Variants in COQ8B observed in about 807,000 individuals in gnomAD.
COQ8B encodes atypical kinase COQ8B, mitochondrial.
A neutral mutation model predicts 62.0 loss-of-function variants in COQ8B; 44 were observed. The observed-to-expected ratio is 0.71, with a 90% CI of 0.56 to 0.91. The LOEUF is 0.91. Among genes scored for constraint, COQ8B ranks in the 40% least tolerant of loss-of-function variants. COQ8B has a pLI of 0.00. For synonymous variants in COQ8B, 252 were observed against 289.9 expected (o/e 0.87, Z 1.33); for missense variants, 649 against 731.6 (o/e 0.89, Z 1.30).
At chr19:40,712,704 A>G (rs2144716677) in intron 4 of COQ8B, among the ~76,000 whole-genome samples, 2 of 152,362 alleles carry the variant, frequency 1.3e-5, no homozygotes, top group East Asian at 3.9e-4. Flanking sequence ...CTTGCTCTAC[A>G]GGTGCATGCA....
At chr19:40,695,072 C>T (rs2082003411) in intron 13 of COQ8B, among the ~76,000 whole-genome samples, 3 of 152,138 alleles carry the variant, frequency 2.0e-5, no homozygotes, top group Admixed American at 1.3e-4. Flanking sequence ...AATCCCAGCA[C>T]TTTGGGAGGC....
At position 40,703,765 on chromosome 19, in the gene COQ8B, C is replaced by T. The variant is rs1314918851; in HGVS notation, c.667G>A (p.Val223Met). ...CCGTCCCTCAGCAGGCCCTGGTGCA[C>T]CTGCCCAATTGAGGCAGCGGCAAAG... is the stretch of plus-strand genomic sequence containing the variant. ...VPFAAASIGQ[V>M]HQGLLRDGTE... Residue 223 changes from valine to methionine, a missense_variant, in exon 8 of 15, where the codon GTG becomes ATG. Transcript: ENST00000324464. 6.2e-7 allele frequency: 1 copy of T among 1,614,114 alleles called. No homozygotes were observed. The highest frequency in any genetic ancestry group is 8.5e-7 in the Non-Finnish European group (1 of 1,180,014).
At chr19:40,700,666 G>C (rs1187172251) in intron 10 of COQ8B, 2 of 577,294 alleles carry the variant, frequency 3.5e-6, no homozygotes, top group Admixed American at 3.1e-5. Context: ...CTCTGCACCT[G>C]CCTCTCAACT....
In COQ8B at chr19:40,692,071, GA is replaced by G; in HGVS notation, c.1598del (p.Leu533ProfsTer?). 1 of 1,608,114 alleles carries G rather than the reference GA, an allele frequency of 6.2e-7. No homozygotes were observed. The highest frequency in any genetic ancestry group is 8.5e-7 in the Non-Finnish European group (1 of 1,177,476). ...CCACCCAGGAGTCCCCTTTGGTGGGGAGGCTGCCGGCAGTGGCTGCGTCTGG... is the reference window on the plus strand; with the variant it reads ...CCACCCAGGAGTCCCCTTTGGTGGGGGGCTGCCGGCAGTGGCTGCGTCTGG... ...RQPDAATAGSLPTKGDSWVDP... is the reference protein window; with the variant it reads ...RQPDAATAGSXPTKGDSWVDP... On this transcript the variant is annotated frameshift_variant, in exon 15 of 15. Transcript: ENST00000324464. LOFTEE classifies it low-confidence loss of function (END_TRUNC).
At chr19:40,712,903 C>T (rs899002341) in intron 4 of COQ8B, among the ~76,000 whole-genome samples, 19 of 152,216 alleles carry the variant, frequency 1.2e-4, no homozygotes, top group African/African-American at 4.1e-4. Flanking sequence ...GGACACTGCA[C>T]ATTACAGGTT....
chr19:40,713,950 CTCTT>C, intron 4 of COQ8B, 113 bp downstream of exon 4: 1 of 1,133,666 alleles, frequency 8.8e-7, no homozygotes, highest in South Asian at 1.4e-5. Context: ...GCCTTTGTCT[CTCTT>C]TTTTTGTCTC....
chr19:40,692,292 C>T lies in COQ8B; in HGVS notation c.1378G>A (p.Gly460Arg). 3 of 1,613,746 alleles carry T rather than the reference C, an allele frequency of 1.9e-6. No individual in the cohort carries two copies. Among genetic ancestry groups the T allele is most frequent in the South Asian group, 1.1e-5 (1 of 91,074 alleles). Residue 460 changes from glycine to arginine, a missense_variant, in exon 15 of 15, where the codon GGG (glycine) becomes AGG (arginine). By Grantham distance (125) the Gly-to-Arg change is moderately radical. Coordinates refer to ENST00000324464, the MANE Select transcript of COQ8B (RefSeq NM_024876.4). Reference protein sequence around the residue: ...ATQGPYDFGSGETARRIQDLI... With the variant: ...ATQGPYDFGSRETARRIQDLI... ...TCCTGTATGCGGCGGGCCGTTTCCC[C>T]CGACCCAAAGTCATAAGGGCCCTGG...
At chr19:40,693,157 TC>T in intron 13 of COQ8B, 120 bp from the exon 14 acceptor site, 2 of 775,086 alleles carry the variant, frequency 2.6e-6, no homozygotes, top group Non-Finnish European at 2.1e-6. Context: ...GCCTGGGCCC[TC>T]CCTCACCTGG....
intron 10 of COQ8B, chr19:40,701,105 A>C (rs1359202140): frequency 6.6e-6 from 1 of 152,276 alleles, no homozygotes; most frequent in African/African-American, 2.4e-5. Context: ...AGGTGGGAGA[A>C]TCGCTTGAGC....
intron 4 of COQ8B, among the ~76,000 whole-genome samples, chr19:40,713,842 A>C (rs1014659108): frequency 1.3e-5 from 2 of 150,496 alleles, no homozygotes; most frequent in Admixed American, 6.7e-5. Context: ...GCGCCACTGC[A>C]CTCCAGCCTG....
intron 4 of COQ8B, among the ~76,000 whole-genome samples, chr19:40,712,429 AC>A (rs1246850492): frequency 3.8e-4 from 57 of 150,180 alleles, no homozygotes; most frequent in African/African-American, 1.3e-3. Context: ...AAAAAAAAAA[AC>A]AACAAAAAAT....
intron 4 of COQ8B, among the ~76,000 whole-genome samples, chr19:40,710,722 G>A (rs548868037): frequency 2.6e-5 from 4 of 152,242 alleles, no homozygotes; most frequent in South Asian, 2.1e-4. Flanking sequence ...GAGGAGCTCC[G>A]GTAAATATAA....
chr19:40,707,902 A>G (rs1402804260), intron 5 of COQ8B, among the ~76,000 whole-genome samples: 1 of 152,202 alleles, frequency 6.6e-6, no homozygotes, highest in Non-Finnish European at 1.5e-5. Context: ...CCTGAGACCA[A>G]GAAGTTTGAG....
rs199624079 is a variant in COQ8B, at chr19:40,702,698, G to T, written c.800-5C>A. On this transcript the variant is annotated splice_polypyrimidine_tract_variant and splice_region_variant and intron_variant, in intron 9 of 14. Transcript: ENST00000324464. ...GGCTCTGCTCGGCAAACAGGCCTGT[G>T]GGGGAGGTGTGTCAGCCAGGGAAGG... 5.0e-6 allele frequency: 8 copies of T among 1,606,482 alleles called. No homozygotes were observed. The Admixed American group carries it at 1.0e-4, about 20-fold the overall frequency.
At chr19:40,712,136 A>G (rs7250295) in intron 4 of COQ8B, among the ~76,000 whole-genome samples, 87 of 152,082 alleles carry the variant, frequency 5.7e-4, no homozygotes, top group African/African-American at 2.1e-3. Context: ...AAGTGAATCT[A>G]TATTTTTAAA....
chr19:40,714,243 G>A (rs958985687), intron 3 of COQ8B, 35 bp downstream of exon 3: 6 of 1,607,232 alleles, frequency 3.7e-6, no homozygotes, highest in South Asian at 1.1e-5. Context: ...AGCAGTATTC[G>A]TGGGGTGTTG....
intron 4 of COQ8B, among the ~76,000 whole-genome samples, chr19:40,710,692 G>A (rs2082134137): frequency 1.3e-5 from 2 of 152,054 alleles, no homozygotes; most frequent in South Asian, 4.1e-4. Flanking sequence ...CTCAGCCCTG[G>A]CTGCACATTC....
In COQ8B at chr19:40,700,143, C is replaced by T. The variant is rs759199445; in HGVS notation, c.1067G>A (p.Arg356Gln). ...ICFQLLTLCL[R>Q]ELFEFRFMQT... Reference sequence around the variant, plus strand: ...CATGAATCGGAACTCAAACAGCTCCCGCAGACACAGCGTCAGGAGCTGGAA... The same window carrying T: ...CATGAATCGGAACTCAAACAGCTCCTGCAGACACAGCGTCAGGAGCTGGAA... The change falls in exon 12 of 15, where the codon CGG becomes CAG. Residue 356 changes from arginine to glutamine, a missense_variant. Physicochemically the swap from Arg to Gln is conservative, Grantham distance 43. Coordinates refer to ENST00000324464, the MANE Select transcript of COQ8B (RefSeq NM_024876.4). 50 of 1,614,094 alleles carry T rather than the reference C, an allele frequency of 3.1e-5. No individual in the cohort carries two copies. Among genetic ancestry groups the T allele is most frequent in the Middle Eastern group, 1.6e-4 (1 of 6,084 alleles).
rs2081974936 is a variant in COQ8B, at chr19:40,691,975, A to G, written c.*60T>C. The G allele has an allele frequency of 6.8e-7, 1 of 1,463,138 alleles. No homozygotes were observed. The highest frequency in any genetic ancestry group is 1.4e-5 in the South Asian group (1 of 73,472). The allele number at this position is 1,463,138 out of a possible 1,614,324, so 90.6% of individuals were successfully genotyped here. A position where few individuals can be genotyped will look rare whatever the true frequency, so the allele number is the denominator to read the frequency against. On this transcript the variant is annotated 3_prime_UTR_variant, in exon 15 of 15. Transcript: ENST00000324464. Reference sequence around the variant, plus strand: ...CTGACCCAGGGCAGACGGGGAAGGGATAAGAGGCACTACAGCAGGGTACGG... The same window carrying G: ...CTGACCCAGGGCAGACGGGGAAGGGGTAAGAGGCACTACAGCAGGGTACGG...
Sources: allele counts gnomAD v4.1 joint callset (sites outside exome capture counted in the v4.1 genomes callset), GRCh38; gene constraint gnomAD v4.1.1; transcripts MANE v1.5; gene names NCBI Gene and HGNC (gene_info 2026-07-23, HGNC 2026-07-21).